The following CMIP variants were observed in gnomAD, a reference collection of about 807,000 sequenced individuals.
The protein encoded by CMIP is C-Maf-inducing protein.
A neutral mutation model predicts 97.3 loss-of-function variants in CMIP; 13 were observed. The observed-to-expected ratio is 0.13, with a 90% CI of 0.09 to 0.21. The LOEUF (loss-of-function observed/expected upper bound fraction) is 0.21. CMIP is among the 10% of genes least tolerant of loss of function. The pLI is 1.00. For missense variants in CMIP, 847 were observed against 1,024.9 expected (o/e 0.83, Z 2.37); for synonymous variants, 538 against 436.3 (o/e 1.23, Z -2.91).
intron 1 of CMIP, among the ~76,000 whole-genome samples, chr16:81,446,841 C>T (rs1173091110): frequency 6.9e-6 from 1 of 144,018 alleles, no homozygotes; most frequent in African/African-American, 2.5e-5. Context: ...CTCTTTGAAC[C>T]AGTCCCCCAC....
chr16:81,523,061 G>C (rs2090059122), intron 1 of CMIP, among the ~76,000 whole-genome samples: 3 of 152,020 alleles, frequency 2.0e-5, no homozygotes, highest in African/African-American at 7.2e-5. Flanking sequence ...CAAGTAGCTG[G>C]GACTACAGGC....
intron 18 of CMIP, 23 bp downstream of exon 18, chr16:81,704,108 A>G (rs767961564): frequency 1.1e-5 from 17 of 1,591,810 alleles, no homozygotes; most frequent in Admixed American, 1.7e-5. Flanking sequence ...GCCCTGCTGC[A>G]GTCCCCCACA....
intron 1 of CMIP, among the ~76,000 whole-genome samples, chr16:81,465,729 C>T (rs1907163364): frequency 6.6e-6 from 1 of 152,210 alleles, no homozygotes; most frequent in South Asian, 2.1e-4. Context: ...GGCAGAGTGA[C>T]CCAGCACGGT....
intron 1 of CMIP, among the ~76,000 whole-genome samples, chr16:81,533,737 C>T (rs573192888): frequency 6.6e-6 from 1 of 152,304 alleles, no homozygotes; most frequent in East Asian, 1.9e-4. Context: ...CCTCTGCCTC[C>T]CTAAGTGCTG....
chr16:81,590,564 A>G (rs557014546), intron 1 of CMIP, among the ~76,000 whole-genome samples: 7 of 152,330 alleles, frequency 4.6e-5, no homozygotes, highest in African/African-American at 1.7e-4. Flanking sequence ...GATGGGCCCA[A>G]GGAATTTTTC....
At position 81,587,114 on chromosome 16, in the gene CMIP, G is replaced by GATT. The variant is rs2091395340; in HGVS notation, c.301-20452_301-20450dup. Among the ~76,000 whole-genome samples, 3 of 152,296 alleles carry GATT rather than the reference G, an allele frequency of 2.0e-5. No homozygotes were observed. The South Asian group carries it at 6.2e-4, about 32-fold the overall frequency. On this transcript the variant is annotated intron_variant, in intron 1 of 20. Transcript: ENST00000537098. ...TCCCTAATAGCAGTTAACTGGTATT[G>GATT]ATTTGAAACAGAAATGCAGAAGGGC...
chr16:81,558,403 G>A (rs1030845977), intron 1 of CMIP, among the ~76,000 whole-genome samples: 4 of 152,218 alleles, frequency 2.6e-5, no homozygotes, highest in Admixed American at 6.5e-5. Flanking sequence ...GAAATGGAAC[G>A]TCTGGATGAT....
chr16:81,455,839 A>G (rs1906513651), intron 1 of CMIP, among the ~76,000 whole-genome samples: 2 of 152,180 alleles, frequency 1.3e-5, no homozygotes, highest in South Asian at 2.1e-4. Flanking sequence ...CCCTTCAGGG[A>G]GGCCTGGTGG....
At position 81,462,165 on chromosome 16, in the gene CMIP, G is replaced by C. The variant is rs377421758; in HGVS notation, c.300+16624G>C. The stretch of plus-strand genomic sequence containing the variant: ...TGGTCTCATTTCCATTCTTGTGTCT[G>C]GGTGGATGGTCAGTGAGTCCTTTGT... On this transcript the variant is annotated intron_variant, in intron 1 of 20. Transcript: ENST00000537098. Among the ~76,000 whole-genome samples the C allele has an allele frequency of 2.0e-5, 3 of 152,214 alleles. No individual in the cohort carries two copies. The East Asian group carries it at 5.8e-4, about 29-fold the overall frequency.
At chr16:81,489,459 C>T (rs184222911) in intron 1 of CMIP, among the ~76,000 whole-genome samples, 2 of 152,324 alleles carry the variant, frequency 1.3e-5, no homozygotes, top group Admixed American at 1.3e-4. Context: ...CACTTGGGTG[C>T]AGGGGCTTGG....
At chr16:81,493,125 C>T (rs559528096) in intron 1 of CMIP, among the ~76,000 whole-genome samples, 1 of 152,256 alleles carries the variant, frequency 6.6e-6, no homozygotes. Flanking sequence ...CCTGCCCCTC[C>T]AGGGTCTTGT....
At chr16:81,501,215 G>C (rs1481184883) in intron 1 of CMIP, among the ~76,000 whole-genome samples, 1 of 152,238 alleles carries the variant, frequency 6.6e-6, no homozygotes, top group African/African-American at 2.4e-5. Context: ...TTTCAGTCTT[G>C]TCTTGCTAAG....
chr16:81,674,088 CTT>C (rs1367319039), intron 9 of CMIP, among the ~76,000 whole-genome samples: 5 of 152,150 alleles, frequency 3.3e-5, no homozygotes, highest in African/African-American at 1.2e-4. Flanking sequence ...GAGGGTGACT[CTT>C]TTAATGCCCT....
At chr16:81,505,008 C>T (rs1303947500) in intron 1 of CMIP, among the ~76,000 whole-genome samples, 2 of 152,258 alleles carry the variant, frequency 1.3e-5, no homozygotes, top group African/African-American at 2.4e-5. Context: ...GGCTGTGCAA[C>T]GGTAACGGGC....
chr16:81,692,866 C>T (rs992779199), intron 11 of CMIP, among the ~76,000 whole-genome samples: 1 of 152,212 alleles, frequency 6.6e-6, no homozygotes, highest in African/African-American at 2.4e-5. Flanking sequence ...CACATGCACC[C>T]ACACATGCTC....
rs977147047 is a variant in CMIP at position 81,627,606 on chromosome 16, C to T, written c.477+6680C>T. 1.3e-5 allele frequency among the ~76,000 whole-genome samples: 2 copies of T among 150,888 alleles called. No individual in the cohort carries two copies. Among genetic ancestry groups the T allele is most frequent in the Non-Finnish European group, 3.0e-5 (2 of 67,642 alleles). ...GACTGTCTCTGCCCGGCTCTGGCCACGGAGTGTCCCCTGTGTCCAGCACTA... is the reference window on the plus strand; with the variant it reads ...GACTGTCTCTGCCCGGCTCTGGCCATGGAGTGTCCCCTGTGTCCAGCACTA... On this transcript the variant is annotated intron_variant, in intron 3 of 20. Transcript: ENST00000537098. This position sits in a 1 kb window ranked among gnomAD's most constrained non-coding sequence, Gnocchi z 4.6.
intron 1 of CMIP, among the ~76,000 whole-genome samples, chr16:81,450,913 G>A (rs1207441878): frequency 6.6e-6 from 1 of 152,218 alleles, no homozygotes; most frequent in African/African-American, 2.4e-5. Context: ...CATTTCTTGT[G>A]TATCTGGACA....
intron 1 of CMIP, among the ~76,000 whole-genome samples, chr16:81,473,042 C>T (rs1907655288): frequency 6.6e-6 from 1 of 152,162 alleles, no homozygotes; most frequent in Non-Finnish European, 1.5e-5. Flanking sequence ...TGCATACCCT[C>T]AGCATCCTGA....
chr16:81,617,690 G>C (rs1310634798), intron 2 of CMIP: 1 of 152,296 alleles, frequency 6.6e-6, no homozygotes, highest in Non-Finnish European at 1.5e-5. Flanking sequence ...ATTCGTTCCA[G>C]TGTAACCAGC....
Sources: allele counts gnomAD v4.1 joint callset (sites outside exome capture counted in the v4.1 genomes callset), GRCh38; gene constraint gnomAD v4.1.1; non-coding constraint Gnocchi (gnomAD v3.1); transcripts MANE v1.5; gene names NCBI Gene and HGNC (gene_info 2026-07-23, HGNC 2026-07-21).